Variants in CFAP299 observed in about 807,000 individuals in gnomAD.
CFAP299 encodes the protein cilia- and flagella-associated protein 299.
CFAP299 carries 21 observed loss-of-function variants against 27.0 expected under a neutral mutation model. The observed-to-expected ratio is 0.78, with a 90% CI of 0.55 to 1.12. The LOEUF (loss-of-function observed/expected upper bound fraction) is 1.12, where lower values mean the gene tolerates loss of function less well. Among genes scored for constraint, CFAP299 ranks in the 50% most tolerant of loss-of-function variants. The pLI is 0.00. For synonymous variants in CFAP299, 104 were observed against 98.1 expected (o/e 1.06, Z -0.36); for missense variants, 310 against 276.6 (o/e 1.12, Z -0.86).
chr4:80,887,710 A>T (rs1734040758), intron 4 of CFAP299, among the ~76,000 whole-genome samples: 1 of 152,130 alleles, frequency 6.6e-6, no homozygotes, highest in African/African-American at 2.4e-5. Flanking sequence ...TTGTGGTATA[A>T]ATTACTCTTA....
chr4:80,870,430 CTTGGG>C, intron 4 of CFAP299: 1 of 1,051,386 alleles, frequency 9.5e-7, no homozygotes, highest in South Asian at 3.7e-5. Context: ...TTTTGCAGCA[CTTGGG>C]ACTTGGTCTG....
chr4:80,577,313 C>T (rs929390821), intron 2 of CFAP299, among the ~76,000 whole-genome samples: 4 of 151,356 alleles, frequency 2.6e-5, no homozygotes, highest in Non-Finnish European at 4.4e-5. Flanking sequence ...AGTCAGTGCC[C>T]GATAGCTAAA....
chr4:80,499,876 C>A (rs1001344398), intron 2 of CFAP299, among the ~76,000 whole-genome samples: 3 of 152,064 alleles, frequency 2.0e-5, no homozygotes, highest in East Asian at 3.8e-4. Flanking sequence ...TAAACCTTGC[C>A]ATTCACATCT....
chr4:80,798,924 A>G (rs1235154282), intron 3 of CFAP299, among the ~76,000 whole-genome samples: 1 of 151,360 alleles, frequency 6.6e-6, no homozygotes. Context: ...TACTATTGGA[A>G]GTAGAGTTCT....
chr4:80,461,501 A>G (rs1729435923), intron 2 of CFAP299, among the ~76,000 whole-genome samples: 1 of 152,082 alleles, frequency 6.6e-6, no homozygotes, highest in African/African-American at 2.4e-5. Flanking sequence ...CTTACTGCTA[A>G]GGAGTGTTTG....
chr4:80,812,260 T>C (rs1365316097), intron 3 of CFAP299, among the ~76,000 whole-genome samples: 1 of 152,110 alleles, frequency 6.6e-6, no homozygotes, highest in Non-Finnish European at 1.5e-5. Context: ...GTGCCATAGC[T>C]TCTCTGGCAG....
intron 3 of CFAP299, among the ~76,000 whole-genome samples, chr4:80,649,889 G>T (rs964890909): frequency 2.0e-5 from 3 of 152,038 alleles, no homozygotes; most frequent in Non-Finnish European, 2.9e-5. Context: ...AGGTGTTAGG[G>T]AGTTTTCTTC....
At chr4:80,663,575 G>T (rs1304103185) in intron 3 of CFAP299, among the ~76,000 whole-genome samples, 1 of 152,158 alleles carries the variant, frequency 6.6e-6, no homozygotes, top group Non-Finnish European at 1.5e-5. Context: ...TTGCTATGGT[G>T]AACAGTGCTG....
At chr4:80,794,292 C>T (rs1465451958) in intron 3 of CFAP299, among the ~76,000 whole-genome samples, 1 of 152,152 alleles carries the variant, frequency 6.6e-6, no homozygotes, top group South Asian at 2.1e-4. Context: ...GGAACTAAGA[C>T]CTCTAGGCCA....
chr4:80,327,906 T>C, the CFAP299 span, among the ~76,000 whole-genome samples: 1 of 151,122 alleles, frequency 6.6e-6, no homozygotes, highest in Non-Finnish European at 1.5e-5. Flanking sequence ...GTTACACTAA[T>C]AAGAACAGGT....
intron 2 of CFAP299, among the ~76,000 whole-genome samples, chr4:80,410,885 G>A (rs1726686608): frequency 1.3e-5 from 2 of 151,948 alleles, no homozygotes; most frequent in Non-Finnish European, 2.9e-5. Flanking sequence ...TACATATTTA[G>A]AAACATCCTT....
chr4:80,525,525 A>G (rs1422694176), intron 2 of CFAP299, among the ~76,000 whole-genome samples: 4 of 152,174 alleles, frequency 2.6e-5, no homozygotes, highest in African/African-American at 9.7e-5. Flanking sequence ...TTTCTTTGAA[A>G]TGAAAAATAT....
At chr4:80,755,004 G>C (rs1053453623) in intron 3 of CFAP299, among the ~76,000 whole-genome samples, 1 of 152,064 alleles carries the variant, frequency 6.6e-6, no homozygotes, top group Admixed American at 6.6e-5. Context: ...GTCATTAATT[G>C]TCAAGACACA....
rs150098422 is a variant in CFAP299 at position 80,728,995 on chromosome 4, TC to T, written c.334-140997del. On this transcript the variant is annotated intron_variant, in intron 3 of 5. Transcript: ENST00000358105. ...AACAACAAAAAGAGATCCACTTCTTTCTTTTTTCTTTTTCTCCTTTTCCCCT... is the reference window on the plus strand; with the variant it reads ...AACAACAAAAAGAGATCCACTTCTTTTTTTTTCTTTTTCTCCTTTTCCCCT... Among the ~76,000 whole-genome samples the T allele has an allele frequency of 5.8e-3, 891 of 152,338 alleles. 7 individuals are homozygous for T. The highest frequency in any genetic ancestry group is 0.02 in the African/African-American group (832 of 41,578).
chr4:80,827,830 CTAAT>C (rs1730068136), intron 3 of CFAP299, among the ~76,000 whole-genome samples: 1 of 151,844 alleles, frequency 6.6e-6, no homozygotes, highest in Non-Finnish European at 1.5e-5. Context: ...TGTCTTAAAA[CTAAT>C]AAATAAATTC....
At chr4:80,513,991 T>G (rs1261564120) in intron 2 of CFAP299, among the ~76,000 whole-genome samples, 1 of 152,060 alleles carries the variant, frequency 6.6e-6, no homozygotes, top group East Asian at 1.9e-4. Context: ...TTGAACTTTT[T>G]GTCGTGGTAA....
intron 4 of CFAP299, among the ~76,000 whole-genome samples, chr4:80,885,735 A>G (rs1213167740): frequency 6.6e-6 from 1 of 152,186 alleles, no homozygotes; most frequent in Admixed American, 6.5e-5. Context: ...GGAGTATGCT[A>G]TGGGGCTTGG....
intron 2 of CFAP299, among the ~76,000 whole-genome samples, chr4:80,562,422 GC>G (rs1735078431): frequency 6.6e-6 from 1 of 151,710 alleles, no homozygotes. Context: ...ACATGGTGAA[GC>G]CCTGTCTCTA....
intron 3 of CFAP299, among the ~76,000 whole-genome samples, chr4:80,687,831 G>A (rs190889701): frequency 0.027 from 4,114 of 152,238 alleles, 194 homozygotes; most frequent in African/African-American, 0.092. Context: ...GTGGGTGCGC[G>A]CACCGTGCGC....
Sources: gnomAD v4.1 joint callset for allele counts (sites outside exome capture counted in the v4.1 genomes callset) on GRCh38, gnomAD v4.1.1 for gene constraint, MANE v1.5 for transcripts, NCBI Gene and HGNC (gene_info 2026-07-23, HGNC 2026-07-21) for gene names.